Variants in CACNA2D4 observed in about 807,000 individuals in gnomAD.
CACNA2D4 encodes the protein voltage-dependent calcium channel subunit alpha-2/delta-4.
A neutral mutation model predicts 163.8 loss-of-function variants in CACNA2D4; 157 were observed. The ratio of observed to expected loss-of-function variants is 0.96; its 90% CI spans 0.84 to 1.09. The LOEUF (loss-of-function observed/expected upper bound fraction) is 1.09, where lower values mean the gene tolerates loss of function less well. CACNA2D4 is among the 50% of genes least tolerant of loss of function. The probability of loss-of-function intolerance (pLI) is 0.00; values close to 1 mark genes in which losing one functional copy is unlikely to be tolerated. For synonymous variants in CACNA2D4, 598 were observed against 586.9 expected (o/e 1.02, Z -0.27); for missense variants, 1,410 against 1,479.9 (o/e 0.95, Z 0.78).
rs368381291 is a variant in CACNA2D4, at chr12:1,914,959, C to G, written c.228-24G>C. ...CTCTGCCAGGCAATGAAAGGACACG[C>G]GTATACACACACGTACACGCACAAA... On this transcript the variant is annotated intron_variant, in intron 1 of 37. Coordinates refer to ENST00000382722, the MANE Select transcript of CACNA2D4 (RefSeq NM_172364.5). The G allele has an allele frequency of 1.0e-5, 16 of 1,534,164 alleles. No individual in the cohort carries two copies. In the Admixed American group the frequency reaches 1.8e-4, roughly 18 times the overall value.
chr12:1,883,090 C>T lies in CACNA2D4; in HGVS notation c.1352-90G>A. ...CTGCACCCTCCCCAGCTGCAGATGG[C>T]TCATAGCCGAATACTCTCTGGAAAC... On this transcript the variant is annotated intron_variant, in intron 12 of 37. Coordinates refer to ENST00000382722, the MANE Select transcript of CACNA2D4 (RefSeq NM_172364.5). This position sits in a 1 kb window ranked among gnomAD's most constrained non-coding sequence, Gnocchi z 4.5. 1.4e-6 allele frequency: 2 copies of T among 1,381,526 alleles called. No homozygotes were observed. The highest frequency in any genetic ancestry group is 9.9e-7 in the Non-Finnish European group (1 of 1,012,316). The allele number at this position is 1,381,526 out of a possible 1,614,324, so 85.6% of individuals were successfully genotyped here. A position where few individuals can be genotyped will look rare whatever the true frequency, so the allele number is the denominator to read the frequency against.
chr12:1,908,823 C>T (rs1866739482), intron 4 of CACNA2D4, among the ~76,000 whole-genome samples: 1 of 119,968 alleles, frequency 8.3e-6, no homozygotes, highest in Non-Finnish European at 1.6e-5. Context: ...GACATCCCCA[C>T]GCCAACTCCC....
At chr12:1,846,483 G>C in intron 24 of CACNA2D4, 111 bp downstream of exon 24, 1 of 845,584 alleles carries the variant, frequency 1.2e-6, no homozygotes, top group Non-Finnish European at 1.9e-6. Flanking sequence ...CAGGGGTCCA[G>C]CATGCTGGAG....
chr12:1,844,253 A>C lies in CACNA2D4; in HGVS notation c.2470+149T>G. ...ATGAGCTTTTTTAAGTCACTAATGC[A>C]TGCAGGAGGGAAGGCAGGAGGGGAA... On this transcript the variant is annotated intron_variant, in intron 25 of 37. Transcript: ENST00000382722. This position sits in a 1 kb window ranked among gnomAD's most constrained non-coding sequence, Gnocchi z 4.2. The C allele has an allele frequency of 1.1e-6, 1 of 883,206 alleles. No individual in the cohort carries two copies. The highest frequency in any genetic ancestry group is 1.8e-5 in the South Asian group (1 of 54,936). 54.7% of individuals were successfully genotyped at this position (883,206 alleles called of 1,614,324 possible).
intron 19 of CACNA2D4, 109 bp from the exon 20 acceptor site, chr12:1,858,753 CACG>C (rs1865457889): frequency 1.4e-6 from 1 of 735,924 alleles, no homozygotes; most frequent in East Asian, 2.9e-5. Context: ...TTTTTGTACC[CACG>C]ACGAGTGGTG....
intron 18 of CACNA2D4, among the ~76,000 whole-genome samples, chr12:1,871,245 GGTGTGTGTACAAATGTGTGCCACTGGT>G (rs1865769033): frequency 6.7e-6 from 1 of 148,346 alleles, no homozygotes; most frequent in Non-Finnish European, 1.5e-5. Flanking sequence ...ATGTGCTGCT[GGTGTGTGTACAAATGTGTGCCACTGGT>G]GTGTGTGTAC....
intron 6 of CACNA2D4, among the ~76,000 whole-genome samples, chr12:1,891,654 G>A (rs1866283714): frequency 6.6e-6 from 1 of 151,736 alleles, no homozygotes; most frequent in Non-Finnish European, 1.5e-5. Flanking sequence ...TGAGATACAA[G>A]AGAATACAGA....
chr12:1,794,958 T>C (rs1863067773), intron 37 of CACNA2D4: 1 of 465,698 alleles, frequency 2.1e-6, no homozygotes. Context: ...CTAATTAGCA[T>C]ACAAAGATAC....
In CACNA2D4 at chr12:1,896,647, AC is replaced by A. The variant is rs751013196; in HGVS notation, c.782-9579del. Among the ~76,000 whole-genome samples, 266 of 148,186 alleles carry A rather than the reference AC, an allele frequency of 1.8e-3. 3 individuals carry two copies. Among genetic ancestry groups the A allele is most frequent in the South Asian group, 2.7e-3 (13 of 4,728 alleles). On this transcript the variant is annotated intron_variant, in intron 6 of 37. Transcript: ENST00000382722. Reference sequence around the variant, plus strand: ...CACACACACACACACACACACACACACACACACAAAACAGATGCTAGCAAGG... The same window carrying A: ...CACACACACACACACACACACACACAACACACAAAACAGATGCTAGCAAGG...
chr12:1,853,178 A>G (rs1865323067), intron 23 of CACNA2D4, among the ~76,000 whole-genome samples: 2 of 152,286 alleles, frequency 1.3e-5, no homozygotes, highest in African/African-American at 4.8e-5. Context: ...CGTAGACAGT[A>G]TACAGATCAT....
intron 35 of CACNA2D4, 86 bp downstream of exon 35, chr12:1,797,332 G>T: frequency 1.0e-6 from 1 of 983,094 alleles, no homozygotes; most frequent in Non-Finnish European, 1.6e-6. Flanking sequence ...CCGTTTCCCG[G>T]GGGTTCCGGG....
chr12:1,900,521 T>C (rs1412061228), intron 6 of CACNA2D4, among the ~76,000 whole-genome samples: 1 of 152,178 alleles, frequency 6.6e-6, no homozygotes, highest in Non-Finnish European at 1.5e-5. Context: ...ATATAATTGG[T>C]GTGAGTATTT....
rs751447536 is a variant in CACNA2D4 at position 1,885,962 on chromosome 12, C to T, written c.1068+3G>A. 9 of 1,609,596 alleles carry T rather than the reference C, an allele frequency of 5.6e-6. No homozygotes were observed. The highest frequency in any genetic ancestry group is 1.7e-5 in the Admixed American group (1 of 59,902). ...GAAGTCTCAGGCCACCGTGGACACT[C>T]ACCTCTCGATTGTCTCGGTCCGCCT... is the stretch of plus-strand genomic sequence containing the variant. On this transcript the variant is annotated splice_donor_region_variant and intron_variant, in intron 9 of 37. Coordinates refer to ENST00000382722, the MANE Select transcript of CACNA2D4 (RefSeq NM_172364.5).
chr12:1,814,084 T>C (rs549061467), intron 26 of CACNA2D4, among the ~76,000 whole-genome samples: 27 of 152,344 alleles, frequency 1.8e-4, no homozygotes, highest in African/African-American at 6.3e-4. Context: ...CTCTTCGGGA[T>C]TGAAGAAAGC....
At chr12:1,898,422 A>T (rs2429155) in intron 6 of CACNA2D4, among the ~76,000 whole-genome samples, 138,330 of 152,196 alleles carry the variant, frequency 0.91, 62,995 homozygotes, top group East Asian at 1. Context: ...AGCCAAGAAC[A>T]TGAACAGATA....
rs1863678691 is a variant in CACNA2D4 at position 1,810,737 on chromosome 12, G to A, written c.2614-150C>T. ...CTGCACATGGAGGGCACCTGTGTGG[G>A]GTGTGGGTGTGGGATGTGTGTGTCG... On this transcript the variant is annotated intron_variant, in intron 27 of 37. Transcript: ENST00000382722. The A allele has an allele frequency of 6.7e-6, 5 of 750,476 alleles. No homozygotes were observed. The Admixed American group carries it at 1.0e-4, about 15-fold the overall frequency. The allele number at this position is 750,476 out of a possible 1,614,324, so 46.5% of individuals were successfully genotyped here. A position where few individuals can be genotyped will look rare whatever the true frequency, so the allele number is the denominator to read the frequency against.
chr12:1,811,780 T>C (rs1334411192), intron 26 of CACNA2D4, 57 bp from the exon 27 acceptor site: 17 of 1,506,830 alleles, frequency 1.1e-5, no homozygotes, highest in Admixed American at 4.0e-5. Context: ...GAGAAAAAAA[T>C]AGAGTCAAGT....
chr12:1,810,533 C>T lies in CACNA2D4; in HGVS notation c.2658+10G>A, dbSNP rs536037769. 1 of 1,553,020 alleles carries T rather than the reference C, an allele frequency of 6.4e-7. No homozygotes were observed. Among genetic ancestry groups the T allele is most frequent in the African/African-American group, 1.4e-5 (1 of 73,256 alleles). ...CCCTCCTCCACCTTCCTCACACGGG[C>T]AGAACTTACACTGTCCTCGCAGCTC... is the stretch of plus-strand genomic sequence containing the variant. On this transcript the variant is annotated intron_variant, in intron 28 of 37. Transcript: ENST00000382722.
chr12:1,817,095 AG>A (rs1283833857), intron 26 of CACNA2D4, among the ~76,000 whole-genome samples: 1 of 152,212 alleles, frequency 6.6e-6, no homozygotes, highest in Non-Finnish European at 1.5e-5. Flanking sequence ...TGCACGGGAT[AG>A]GGACTGTGGG....
Sources: allele counts gnomAD v4.1 joint callset (sites outside exome capture counted in the v4.1 genomes callset), GRCh38; gene constraint gnomAD v4.1.1; non-coding constraint Gnocchi (gnomAD v3.1); transcripts MANE v1.5; gene names NCBI Gene and HGNC (gene_info 2026-07-23, HGNC 2026-07-21).